SPATS2L: variants seen among roughly 807,000 people sequenced by gnomAD.
The protein encoded by SPATS2L is spermatogenesis associated serine rich 2 like.
In SPATS2L, 30 loss-of-function variants were observed where a neutral mutation model predicts 59.6. The observed-to-expected ratio is 0.50, with a 90% confidence interval of 0.38 to 0.68. The LOEUF is 0.68. Among genes scored for constraint, SPATS2L ranks in the 30% least tolerant of loss-of-function variants. The pLI, the probability that SPATS2L is intolerant of heterozygous loss-of-function variation, is 0.00. For missense variants in SPATS2L, 615 were observed against 700.0 expected, an observed-to-expected ratio of 0.88 and a Z score of 1.37; for synonymous variants, 252 against 263.5, an observed-to-expected ratio of 0.96 and a Z score of 0.42.
At chr2:200,315,502 A>T (rs1019525981) in intron 1 of SPATS2L, among the ~76,000 whole-genome samples, 1 of 152,112 alleles carries the variant, frequency 6.6e-6, no homozygotes, top group Non-Finnish European at 1.5e-5. Context: ...GGTCTCTGAG[A>T]TTCCCCATCC....
intron 1 of SPATS2L, among the ~76,000 whole-genome samples, chr2:200,312,035 T>C (rs1265968827): frequency 6.6e-6 from 1 of 152,244 alleles, no homozygotes; most frequent in Non-Finnish European, 1.5e-5. Flanking sequence ...AGGAGTCTTC[T>C]GAGCATTGGT....
At chr2:200,378,300 G>C in intron 2 of SPATS2L, 1 of 1,002,526 alleles carries the variant, frequency 1.0e-6, no homozygotes, top group Non-Finnish European at 1.2e-6. Flanking sequence ...GAGCTTATGT[G>C]CCTCCTGAGA....
intron 8 of SPATS2L, among the ~76,000 whole-genome samples, chr2:200,447,540 G>C (rs1240494110): frequency 2.0e-5 from 3 of 152,200 alleles, no homozygotes; most frequent in Non-Finnish European, 4.4e-5. Flanking sequence ...CTGTGTCACA[G>C]AATAGATGCT....
chr2:200,377,740 G>T (rs1424109248), intron 2 of SPATS2L, among the ~76,000 whole-genome samples: 2 of 152,150 alleles, frequency 1.3e-5, no homozygotes, highest in African/African-American at 4.8e-5. Flanking sequence ...TATACCCCTA[G>T]ACATGGTTTT....
chr2:200,372,332 C>A (rs907694948), intron 2 of SPATS2L: 16 of 306,014 alleles, frequency 5.2e-5, no homozygotes, highest in Admixed American at 6.5e-5. Context: ...AGGAGTCTCA[C>A]TACCTCCCAG....
At chr2:200,442,547 T>C (rs930645230) in intron 8 of SPATS2L, among the ~76,000 whole-genome samples, 1 of 152,226 alleles carries the variant, frequency 6.6e-6, no homozygotes, top group Non-Finnish European at 1.5e-5. Flanking sequence ...AAGACCACTC[T>C]GTCTTACTCT....
At position 200,478,897 on chromosome 2, in the gene SPATS2L, T is replaced by A. The variant is rs80173641; in HGVS notation, c.*866T>A. ...AGGATTTCAGCTCCCATCTCTTTTT[T>A]TTTTTTCTTTTTTCTTTTTCTTTTT... On this transcript the variant is annotated 3_prime_UTR_variant, in exon 13 of 13. Transcript: ENST00000409140. 2.0e-5 allele frequency: 3 copies of A among 152,254 alleles called. No individual in the cohort carries two copies. The highest frequency in any genetic ancestry group is 4.4e-5 in the Non-Finnish European group (3 of 68,124). The allele number at this position is 152,254 out of a possible 1,614,324, so 9.4% of individuals were successfully genotyped here.
At chr2:200,390,183 A>G (rs547245070) in intron 3 of SPATS2L, 2 of 152,378 alleles carry the variant, frequency 1.3e-5, no homozygotes, top group East Asian at 3.9e-4. Flanking sequence ...CATACCAAAA[A>G]TAGAGTGAAG....
At chr2:200,393,999 T>A (rs1157351155) in intron 3 of SPATS2L, among the ~76,000 whole-genome samples, 1 of 152,272 alleles carries the variant, frequency 6.6e-6, no homozygotes, top group East Asian at 1.9e-4. Context: ...ATTCCTGCCT[T>A]CATGCAGCTT....
At chr2:200,450,756 G>A (rs1687620104) in intron 8 of SPATS2L, among the ~76,000 whole-genome samples, 1 of 152,118 alleles carries the variant, frequency 6.6e-6, no homozygotes, top group Non-Finnish European at 1.5e-5. Flanking sequence ...GAAAGACTGA[G>A]GGATAAAGAC....
At chr2:200,306,181 CTT>C (rs1463034433), upstream of SPATS2L, 1 of 1,000,714 alleles carries the variant, frequency 1.0e-6, no homozygotes, top group African/African-American at 1.7e-5. Context: ...AATGGGCTAT[CTT>C]TGCTTACATT....
intron 6 of SPATS2L, among the ~76,000 whole-genome samples, chr2:200,424,410 G>A (rs538626941): frequency 1.4e-3 from 213 of 152,212 alleles, no homozygotes; most frequent in African/African-American, 4.8e-3. Flanking sequence ...AATCCTTTGA[G>A]CCCAGGAGTT....
intron 2 of SPATS2L, chr2:200,378,330 G>A (rs2081672328): frequency 1.0e-6 from 1 of 1,002,444 alleles, no homozygotes; most frequent in Admixed American, 6.1e-5. Flanking sequence ...GCTGGAAACT[G>A]GACTGAGAGC....
chr2:200,308,958 G>C, intron 1 of SPATS2L: 1 of 699,184 alleles, frequency 1.4e-6, no homozygotes, highest in Non-Finnish European at 2.7e-6. Flanking sequence ...CCATTGTGGA[G>C]AGAGTTATCT....
chr2:200,441,472 A>G (rs1368404901), intron 8 of SPATS2L, among the ~76,000 whole-genome samples: 1 of 152,206 alleles, frequency 6.6e-6, no homozygotes, highest in African/African-American at 2.4e-5. Context: ...GTTAAAGACA[A>G]AAGAGAATTT....
intron 2 of SPATS2L, among the ~76,000 whole-genome samples, chr2:200,344,431 A>G (rs1278954289): frequency 2.0e-5 from 3 of 152,158 alleles, no homozygotes; most frequent in Non-Finnish European, 4.4e-5. Flanking sequence ...ATAGTATTCC[A>G]TGGTGTATAT....
chr2:200,477,439 C>T (rs2087613358), intron 12 of SPATS2L, among the ~76,000 whole-genome samples, 197 bp from the exon 13 acceptor site: 1 of 147,778 alleles, frequency 6.8e-6, no homozygotes, highest in Non-Finnish European at 1.5e-5. Flanking sequence ...ATTTACAAAA[C>T]AGTCCACTAT....
At chr2:200,391,080 T>C (rs1365497590) in intron 3 of SPATS2L, among the ~76,000 whole-genome samples, 2 of 152,082 alleles carry the variant, frequency 1.3e-5, no homozygotes, top group African/African-American at 2.4e-5. Context: ...GATTCGCTTA[T>C]ACCTGGGAGG....
rs145080452 is a variant in SPATS2L at position 200,360,967 on chromosome 2, CTGTGTGTGTG to C, written c.-22-28235_-22-28226del. Among the ~76,000 whole-genome samples, 14 of 140,422 alleles carry C rather than the reference CTGTGTGTGTG, an allele frequency of 1.0e-4. No homozygotes were observed. In the South Asian group the frequency reaches 3.1e-3, roughly 31 times the overall value. 92.1% of individuals were successfully genotyped at this position (140,422 alleles called of 152,430 possible). On this transcript the variant is annotated intron_variant, in intron 2 of 12. Transcript: ENST00000409140. ...TAGAACAGAACAGAGCAGAACAGGG[CTGTGTGTGTG>C]TGTGTGTGTGTGTGTGTGTGACTGT...
Sources: allele counts gnomAD v4.1 joint callset (sites outside exome capture counted in the v4.1 genomes callset), GRCh38; gene constraint gnomAD v4.1.1; transcripts MANE v1.5; gene names NCBI Gene and HGNC (gene_info 2026-07-23, HGNC 2026-07-21).